The following KLK15 variants were observed in gnomAD, a reference collection of about 807,000 sequenced individuals.
KLK15 encodes the protein kallikrein-15.
Under a neutral mutation model 21.1 loss-of-function variants are expected in KLK15, and 19 were observed. The observed-to-expected ratio is 0.90, with a 90% confidence interval of 0.63 to 1.32. The LOEUF (loss-of-function observed/expected upper bound fraction) is 1.32, where lower values mean the gene tolerates loss of function less well. KLK15 is among the 40% of genes most tolerant of loss of function. The pLI is 0.00. For synonymous variants in KLK15, 141 were observed against 141.5 expected (o/e 1.00, Z 0.03); for missense variants, 345 against 348.6 (o/e 0.99, Z 0.08).
At chr19:50,825,860 G>A in exon 5 of KLK15, 3 of 1,613,984 alleles carry the variant, frequency 1.9e-6, no homozygotes, top group Non-Finnish European at 2.5e-6. Flanking sequence ...ATAGACACCA[G>A]GCTTGGTGGT....
intron 4 of KLK15, 179 bp downstream of exon 5, chr19:50,826,442 T>A: frequency 1.6e-6 from 1 of 642,382 alleles, no homozygotes; most frequent in Non-Finnish European, 2.5e-6. Context: ...AACAACGCAA[T>A]CCCCACCTAT....
chr19:50,826,377 C>T (rs2089879002), intron 4 of KLK15: 1 of 491,464 alleles, frequency 2.0e-6, no homozygotes, highest in African/African-American at 1.9e-5. Flanking sequence ...AAACCATTCC[C>T]ATTCTCAACC....
intron 1 of KLK15, 68 bp from the exon 3 acceptor site, chr19:50,827,883 C>T (rs2089912423): frequency 2.7e-6 from 4 of 1,484,462 alleles, no homozygotes; most frequent in Non-Finnish European, 3.7e-6. Context: ...CTTCCTTGCA[C>T]CCTGCCCTAA....
intron 4 of KLK15, 67 bp downstream of exon 5, chr19:50,826,554 C>A: frequency 1.3e-6 from 2 of 1,498,166 alleles, no homozygotes; most frequent in Non-Finnish European, 1.8e-6. Flanking sequence ...AAAATCCAAC[C>A]CCATCCGGAC....
At chr19:50,829,961 G>A (rs1437571393) in intron 1 of KLK15, among the ~76,000 whole-genome samples, 3 of 151,816 alleles carry the variant, frequency 2.0e-5, no homozygotes, top group South Asian at 2.1e-4. Context: ...ACCCAGACAC[G>A]GGGCTGGGCA....
Position 50,826,874 on chromosome 19 carries a change from G to A in KLK15, c.481+4C>T, listed in dbSNP as rs770363959. ...CTCGCATCCAGCTCCATCCTTTCAC[G>A]CACCTTGTGACCGGGGGCTCCCAGC... On this transcript the variant is annotated splice_donor_region_variant and intron_variant, in intron 3 of 4. Transcript: ENST00000598239. 6.4e-6 allele frequency: 10 copies of A among 1,558,268 alleles called. No individual in the cohort carries two copies. In the South Asian group the frequency reaches 9.8e-5, roughly 15 times the overall value.
chr19:50,829,405 A>G (rs2089943306), intron 1 of KLK15, among the ~76,000 whole-genome samples: 1 of 151,708 alleles, frequency 6.6e-6, no homozygotes, highest in African/African-American at 2.4e-5. Flanking sequence ...TGACACCTGG[A>G]TTTAGTCACA....
chr19:50,826,026 C>G (rs1264186502), intron 4 of KLK15, 78 bp from the exon 6 acceptor site: 1 of 1,403,622 alleles, frequency 7.1e-7, no homozygotes, highest in Non-Finnish European at 9.7e-7. Flanking sequence ...TTTGCAATCT[C>G]ACCCCAAACC....
upstream of KLK15, chr19:50,833,246 C>T (rs781434432): frequency 6.5e-6 from 1 of 152,736 alleles, no homozygotes; most frequent in Non-Finnish European, 1.5e-5. Context: ...GACTTGAACC[C>T]GTGATCACTC....
chr19:50,833,172 G>A (rs1033014734), upstream of KLK15: 5 of 152,362 alleles, frequency 3.3e-5, no homozygotes, highest in African/African-American at 1.2e-4. Context: ...TTCTTTCTGT[G>A]ACCTCAGCAC....
At chr19:50,825,921 C>T in exon 5 of KLK15, 2 of 1,613,810 alleles carry the variant, frequency 1.2e-6, no homozygotes, top group Non-Finnish European at 1.7e-6. Context: ...AGGATGCCCC[C>T]ACAGACCAGG....
chr19:50,827,330 G>T (rs2089903162), intron 2 of KLK15, among the ~76,000 whole-genome samples, 169 bp from the exon 4 acceptor site: 1 of 144,980 alleles, frequency 6.9e-6, no homozygotes, highest in Non-Finnish European at 1.6e-5. Context: ...TCCAGCCCCT[G>T]CTCCTCAAGG....
intron 4 of KLK15, chr19:50,826,185 T>C (rs1400880705): frequency 3.6e-5 from 18 of 502,602 alleles, no homozygotes. Flanking sequence ...CTCACCCCCA[T>C]GCAACTCCAG....
chr19:50,831,157 A>G (rs1286926127), intron 1 of KLK15: 3 of 311,312 alleles, frequency 9.6e-6, no homozygotes, highest in Non-Finnish European at 1.8e-5. Context: ...AGTTCCCTCA[A>G]GGACACACAG....
At chr19:50,831,626 C>T (rs952824856), upstream of KLK15, 7 of 640,834 alleles carry the variant, frequency 1.1e-5, 1 homozygote, top group Non-Finnish European at 1.7e-5. Context: ...TAAATTTCTT[C>T]TGACCACCGG....
chr19:50,826,110 ACCCAAC>A, intron 4 of KLK15, 162 bp from the exon 6 acceptor site: 2 of 661,216 alleles, frequency 3.0e-6, no homozygotes, highest in Non-Finnish European at 2.5e-6. Flanking sequence ...AACAGAGCCA[ACCCAAC>A]CCCAACCCCA....
chr19:50,832,447 C>T (rs1175012691), upstream of KLK15, among the ~76,000 whole-genome samples: 2 of 151,590 alleles, frequency 1.3e-5, no homozygotes, highest in African/African-American at 4.9e-5. Flanking sequence ...CTCAGCCTCC[C>T]AAGCAATTGG....
intron 2 of KLK15, 127 bp downstream of exon 3, chr19:50,827,535 T>G: frequency 1.0e-6 from 1 of 970,160 alleles, no homozygotes; most frequent in Non-Finnish European, 1.5e-6. Context: ...ACCCAGGGGC[T>G]TGACATCCGG....
In KLK15 at chr19:50,825,956, GA is replaced by G. The variant is rs770353280; in HGVS notation, c.619-9del. ...GGGTCCCCCAGAGTCACCCTGTGGG[GA>G]AAAGAGGGGGTCTCAGGTTGAGTGA... is the stretch of plus-strand genomic sequence containing the variant. On this transcript the variant is annotated splice_polypyrimidine_tract_variant and intron_variant, in intron 4 of 4. Coordinates refer to ENST00000598239, the Ensembl canonical transcript of KLK15. The G allele has an allele frequency of 6.8e-6, 11 of 1,608,422 alleles. No individual in the cohort carries two copies. Among genetic ancestry groups the G allele is most frequent in the Non-Finnish European group, 9.3e-6 (11 of 1,176,726 alleles).
Sources: gnomAD v4.1 joint callset for allele counts (sites outside exome capture counted in the v4.1 genomes callset) on GRCh38, gnomAD v4.1.1 for gene constraint, MANE v1.5 for transcripts, NCBI Gene and HGNC (gene_info 2026-07-23, HGNC 2026-07-21) for gene names.